The following PRKG1 variants were observed in gnomAD, a reference collection of about 807,000 sequenced individuals.
PRKG1 encodes the protein cGMP-dependent protein kinase 1.
In PRKG1, 35 loss-of-function variants were observed where a neutral mutation model predicts 88.1. That is an observed-to-expected ratio of 0.40 (90% CI 0.30 to 0.53). PRKG1 has a LOEUF of 0.53. Ranked by LOEUF, PRKG1 falls within the 20% of genes least tolerant of loss-of-function variation. The pLI is 0.59. For missense variants in PRKG1, 540 were observed against 839.8 expected (o/e 0.64, Z 4.41); for synonymous variants, 303 against 292.5 (o/e 1.04, Z -0.37).
intron 2 of PRKG1, among the ~76,000 whole-genome samples, chr10:51,389,906 C>G (rs1390949378): frequency 3.9e-5 from 6 of 152,132 alleles, no homozygotes; most frequent in Non-Finnish European, 8.8e-5. Flanking sequence ...TGCTTTGACT[C>G]TTTCAAATTC....
chr10:52,224,836 T>C (rs149349683), intron 9 of PRKG1, among the ~76,000 whole-genome samples: 1,242 of 89,670 alleles, frequency 0.014, 55 homozygotes, highest in African/African-American at 0.037. Flanking sequence ...TATATATATA[T>C]ATACATACAT....
chr10:51,003,356 C>G (rs1383810382), intron 1 of PRKG1, among the ~76,000 whole-genome samples: 2 of 152,172 alleles, frequency 1.3e-5, no homozygotes, highest in Non-Finnish European at 1.5e-5. Context: ...ACATTGAAAT[C>G]CCCCGGTTAC....
At chr10:52,238,733 C>T (rs1224434236) in intron 9 of PRKG1, among the ~76,000 whole-genome samples, 1 of 148,644 alleles carries the variant, frequency 6.7e-6, no homozygotes, top group Non-Finnish European at 1.5e-5. Flanking sequence ...GGACTGTAAA[C>T]TAGTTCAACC....
chr10:52,036,655 A>C (rs968224508), intron 5 of PRKG1, among the ~76,000 whole-genome samples: 3 of 152,038 alleles, frequency 2.0e-5, no homozygotes, highest in African/African-American at 4.8e-5. Context: ...GAGGCTTTGG[A>C]TTGGGAAGAA....
intron 2 of PRKG1, among the ~76,000 whole-genome samples, chr10:51,372,614 A>C (rs2132611282): frequency 6.6e-6 from 1 of 152,304 alleles, no homozygotes; most frequent in Admixed American, 6.5e-5. Flanking sequence ...TTTATCACTA[A>C]GTATAATATT....
chr10:52,148,949 T>G (rs2132663207), intron 8 of PRKG1, among the ~76,000 whole-genome samples: 1 of 145,014 alleles, frequency 6.9e-6, no homozygotes, highest in Admixed American at 7.1e-5. Context: ...CCACAGAGGA[T>G]AGTTTTGCTT....
chr10:51,256,420 A>G (rs989498989), intron 2 of PRKG1, among the ~76,000 whole-genome samples: 1 of 152,130 alleles, frequency 6.6e-6, no homozygotes, highest in African/African-American at 2.4e-5. Flanking sequence ...CTTCTAGGTA[A>G]CATGTAGACA....
chr10:51,885,795 A>G (rs942666846), intron 4 of PRKG1, among the ~76,000 whole-genome samples: 1 of 151,876 alleles, frequency 6.6e-6, no homozygotes, highest in Non-Finnish European at 1.5e-5. Context: ...TCTCCTTCCA[A>G]TTTGAATCTG....
chr10:51,056,691 CCAAGTTA>C (rs2132777004), intron 1 of PRKG1, among the ~76,000 whole-genome samples: 1 of 152,250 alleles, frequency 6.6e-6, no homozygotes, highest in South Asian at 2.1e-4. Flanking sequence ...CTTTCCATTA[CCAAGTTA>C]ATGTAGTCTA....
intron 5 of PRKG1, among the ~76,000 whole-genome samples, chr10:51,994,501 T>C (rs1397260732): frequency 6.6e-6 from 1 of 152,176 alleles, no homozygotes; most frequent in Non-Finnish European, 1.5e-5. Flanking sequence ...TCACAGGAAA[T>C]AGTGATTTTC....
chr10:51,149,434 A>G (rs1846012626), intron 1 of PRKG1, among the ~76,000 whole-genome samples: 1 of 152,118 alleles, frequency 6.6e-6, no homozygotes, highest in Non-Finnish European at 1.5e-5. Flanking sequence ...TTTACCTAAG[A>G]TTGTGTAGAA....
chr10:51,246,621 A>C (rs1012114544), intron 2 of PRKG1, among the ~76,000 whole-genome samples: 7 of 152,068 alleles, frequency 4.6e-5, no homozygotes, highest in Non-Finnish European at 1.0e-4. Flanking sequence ...AAGAAAAAAA[A>C]AAAACAATGA....
intron 2 of PRKG1, among the ~76,000 whole-genome samples, chr10:51,442,254 A>G (rs1839136076): frequency 6.6e-6 from 1 of 151,970 alleles, no homozygotes. Flanking sequence ...ATCTTTGTCA[A>G]TTCTAAAACA....
intron 3 of PRKG1, among the ~76,000 whole-genome samples, chr10:51,488,922 A>G (rs1840624615): frequency 6.6e-6 from 1 of 152,136 alleles, no homozygotes; most frequent in Non-Finnish European, 1.5e-5. Context: ...ATCTCAGACA[A>G]CAAGCACACA....
chr10:51,409,556 C>T (rs1204815660), intron 2 of PRKG1, among the ~76,000 whole-genome samples: 1 of 152,086 alleles, frequency 6.6e-6, no homozygotes, highest in East Asian at 1.9e-4. Context: ...CAAGAGCTGT[C>T]TCTCAAAAGG....
intron 3 of PRKG1, among the ~76,000 whole-genome samples, chr10:51,636,454 C>T (rs1205313108): frequency 6.6e-6 from 1 of 152,160 alleles, no homozygotes; most frequent in African/African-American, 2.4e-5. Flanking sequence ...ATTGAGAGTG[C>T]AAGAGTAAGC....
intron 10 of PRKG1, among the ~76,000 whole-genome samples, chr10:52,254,869 G>C (rs1193687645): frequency 6.6e-6 from 1 of 151,968 alleles, no homozygotes; most frequent in Admixed American, 6.6e-5. Flanking sequence ...GATCTTTTAG[G>C]CATAGGAATT....
chr10:51,844,734 C>A (rs78525477), intron 4 of PRKG1, among the ~76,000 whole-genome samples: 346 of 152,198 alleles, frequency 2.3e-3, no homozygotes, highest in African/African-American at 7.9e-3. Context: ...TAAAACTGGG[C>A]AGGTCAATAA....
chr10:51,295,662 TC>T (rs1205279430), intron 2 of PRKG1, among the ~76,000 whole-genome samples: 2 of 152,084 alleles, frequency 1.3e-5, no homozygotes, highest in Non-Finnish European at 2.9e-5. Flanking sequence ...TCTTTTCTTT[TC>T]TTTTTTGTCT....
Sources: gnomAD v4.1 joint callset for allele counts (sites outside exome capture counted in the v4.1 genomes callset) on GRCh38, gnomAD v4.1.1 for gene constraint, MANE v1.5 for transcripts, NCBI Gene and HGNC (gene_info 2026-07-23, HGNC 2026-07-21) for gene names.